The following SPOP variants were observed in gnomAD, a reference collection of about 807,000 sequenced individuals.
SPOP encodes the protein speckle type BTB/POZ protein, also known as speckle-type POZ protein.
In SPOP, 11 loss-of-function variants were observed where a neutral mutation model predicts 45.6. The ratio of observed to expected loss-of-function variants is 0.24; its 90% CI spans 0.15 to 0.40. The LOEUF (loss-of-function observed/expected upper bound fraction) is 0.40. SPOP is among the 10% of genes least tolerant of loss of function. The probability of loss-of-function intolerance (pLI) is 1.00; values close to 1 mark genes in which losing one functional copy is unlikely to be tolerated. For missense variants in SPOP, 152 were observed against 465.6 expected, an observed-to-expected ratio of 0.33 and a Z score of 6.20; for synonymous variants, 166 against 166.3, an observed-to-expected ratio of 1.00 and a Z score of 0.01.
intron 1 of SPOP, among the ~76,000 whole-genome samples, chr17:49,664,782 GAA>G (rs2073031507): frequency 2.0e-5 from 3 of 152,170 alleles, no homozygotes; most frequent in African/African-American, 4.8e-5. Flanking sequence ...CCAGGAATCT[GAA>G]TTATGCCTCA....
At chr17:49,639,319 T>C (rs1437464301) in intron 1 of SPOP, among the ~76,000 whole-genome samples, 1 of 151,978 alleles carries the variant, frequency 6.6e-6, no homozygotes, top group East Asian at 1.9e-4. Context: ...ATACTGTTGG[T>C]AGGAGAACAA....
intron 1 of SPOP, among the ~76,000 whole-genome samples, chr17:49,631,797 T>C (rs759961859): frequency 3.9e-5 from 6 of 152,222 alleles, no homozygotes; most frequent in Non-Finnish European, 8.8e-5. Context: ...GGTCTTTTTA[T>C]AGGTGGGTCC....
intron 9 of SPOP, 46 bp downstream of exon 9, chr17:49,601,819 G>A (rs1412556206): frequency 1.2e-6 from 2 of 1,606,414 alleles, no homozygotes; most frequent in African/African-American, 2.7e-5. Context: ...CATTTCTTCA[G>A]CTATCCAACT....
At chr17:49,670,131 C>G (rs2073118954) in intron 1 of SPOP, among the ~76,000 whole-genome samples, 2 of 152,232 alleles carry the variant, frequency 1.3e-5, no homozygotes, top group Non-Finnish European at 2.9e-5. Context: ...ATGACCAGCT[C>G]TGTCATAGAG....
At chr17:49,649,207 C>T (rs2143480715) in intron 1 of SPOP, among the ~76,000 whole-genome samples, 1 of 152,088 alleles carries the variant, frequency 6.6e-6, no homozygotes, top group African/African-American at 2.4e-5. Context: ...CGGTGGTGTC[C>T]CATTATGACT....
Position 49,611,443 on chromosome 17 carries a change from T to C in SPOP, c.495A>G (p.Gln165=). 6.2e-7 allele frequency: 1 copy of C among 1,614,126 alleles called. No individual in the cohort carries two copies. The highest frequency in any genetic ancestry group is 8.5e-7 in the Non-Finnish European group (1 of 1,180,018). ...TCTGGCCAGAAATGTTGACAGAATC[T>C]TGCACAACACTCACCTGTGAAAGAC... The part of the protein sequence containing the change: ...LTLFCEVSVV[Q]DSVNISGQNT... The change falls in exon 6 of 10, where the codon CAA becomes CAG. Residue 165 remains glutamine (Q), a synonymous_variant. Coordinates refer to ENST00000504102, the MANE Select transcript of SPOP (RefSeq NM_001007228.2).
Position 49,619,633 on chromosome 17 carries a change from A to T in SPOP, c.201-248T>A, listed in dbSNP as rs1232579366. On this transcript the variant is annotated intron_variant, in intron 3 of 9. Coordinates refer to ENST00000504102, the MANE Select transcript of SPOP (RefSeq NM_001007228.2). The surrounding 1 kb of genome is among the most constrained non-coding windows in gnomAD (Gnocchi z 4.9). ...CTGCAACCTCGATCTCCCTGGGCTC[A>T]GGTGATCCTCCCACCCCAGCCTCCC... 6.6e-6 allele frequency among the ~76,000 whole-genome samples: 1 copy of T among 152,088 alleles called. No individual in the cohort carries two copies. The highest frequency in any genetic ancestry group is 1.5e-5 in the Non-Finnish European group (1 of 68,010).
At position 49,619,210 on chromosome 17, in the gene SPOP, T is replaced by C. The variant is rs757114427; in HGVS notation, c.352+24A>G. On this transcript the variant is annotated intron_variant, in intron 4 of 9. Transcript: ENST00000504102. This position sits in a 1 kb window ranked among gnomAD's most constrained non-coding sequence, Gnocchi z 4.9. ...AACTTCTGGATGTGAAACTTAAGAG[T>C]TGAACAAAGAGGAGAACATTTACCC... The C allele has an allele frequency of 3.1e-6, 5 of 1,613,702 alleles. No individual in the cohort carries two copies. In the South Asian group the frequency reaches 4.4e-5, roughly 14 times the overall value.
At chr17:49,613,276 A>T (rs1191103687) in intron 5 of SPOP, among the ~76,000 whole-genome samples, 6 of 130,286 alleles carry the variant, frequency 4.6e-5, no homozygotes, top group African/African-American at 2.1e-4. Flanking sequence ...TACTAATTTA[A>T]AAAAAAAAAA....
Position 49,613,274 on chromosome 17 carries a change from T to TA in SPOP, c.481-1818dup, listed in dbSNP as rs78472735. Among the ~76,000 whole-genome samples, 463 of 122,468 alleles carry TA rather than the reference T, an allele frequency of 3.8e-3. 2 individuals are homozygous for TA. Among genetic ancestry groups the TA allele is most frequent in the East Asian group, 0.029 (128 of 4,462 alleles). 80.3% of individuals were successfully genotyped at this position (122,468 alleles called of 152,430 possible). A position where few individuals can be genotyped will look rare whatever the true frequency, so the allele number is the denominator to read the frequency against. ...CAGTTATAGCTCTAAAATACTAATT[T>TA]AAAAAAAAAAAAAAAAAAGGAAAAG... is the stretch of plus-strand genomic sequence containing the variant. On this transcript the variant is annotated intron_variant, in intron 5 of 9. Transcript: ENST00000504102.
intron 5 of SPOP, among the ~76,000 whole-genome samples, chr17:49,617,335 C>T (rs911885317): frequency 2.6e-5 from 4 of 152,200 alleles, no homozygotes; most frequent in African/African-American, 4.8e-5. Context: ...GTTTACATAA[C>T]ATCTAACCTC....
intron 1 of SPOP, among the ~76,000 whole-genome samples, chr17:49,656,793 C>A (rs947093831): frequency 3.3e-5 from 5 of 152,102 alleles, no homozygotes; most frequent in Admixed American, 6.6e-5. Context: ...TTTCCCTATT[C>A]CAAAATTCTC....
chr17:49,626,413 G>T (rs1035362732), intron 1 of SPOP, among the ~76,000 whole-genome samples: 3 of 152,238 alleles, frequency 2.0e-5, no homozygotes, highest in Non-Finnish European at 2.9e-5. Context: ...AGTAACAACA[G>T]GCTGGGCATG....
intron 1 of SPOP, among the ~76,000 whole-genome samples, chr17:49,655,517 A>G (rs1246022041): frequency 6.6e-6 from 1 of 152,186 alleles, no homozygotes; most frequent in East Asian, 1.9e-4. Context: ...TCTCCAAAAA[A>G]AAAAAAGAAA....
intron 1 of SPOP, among the ~76,000 whole-genome samples, chr17:49,646,890 G>C (rs980278225): frequency 2.0e-5 from 3 of 152,084 alleles, no homozygotes; most frequent in Admixed American, 6.6e-5. Flanking sequence ...GATCAGGTAT[G>C]GTCTTTTATT....
At chr17:49,665,012 G>A (rs2073034856) in intron 1 of SPOP, among the ~76,000 whole-genome samples, 2 of 151,966 alleles carry the variant, frequency 1.3e-5, no homozygotes, top group African/African-American at 2.4e-5. Flanking sequence ...ATATGAACTG[G>A]TTTGAATAGG....
intron 2 of SPOP, chr17:49,622,326 A>T: frequency 1.7e-6 from 1 of 591,600 alleles, no homozygotes; most frequent in South Asian, 1.5e-5. Context: ...AACAGAAACA[A>T]AAAACCCACC....
At chr17:49,655,370 G>C (rs944626382) in intron 1 of SPOP, among the ~76,000 whole-genome samples, 5 of 152,054 alleles carry the variant, frequency 3.3e-5, no homozygotes, top group African/African-American at 7.2e-5. Context: ...AATTAGCCTG[G>C]CGTGGTGGCG....
intron 5 of SPOP, among the ~76,000 whole-genome samples, chr17:49,612,413 T>C (rs1418636004): frequency 6.6e-6 from 1 of 152,214 alleles, no homozygotes; most frequent in Non-Finnish European, 1.5e-5. Context: ...TCAGTTGTGA[T>C]AATGACATAC....
Sources: allele counts gnomAD v4.1 joint callset (sites outside exome capture counted in the v4.1 genomes callset), GRCh38; gene constraint gnomAD v4.1.1; non-coding constraint Gnocchi (gnomAD v3.1); transcripts MANE v1.5; gene names NCBI Gene and HGNC (gene_info 2026-07-23, HGNC 2026-07-21).